Variants in TECRL observed in about 807,000 individuals in gnomAD.
TECRL encodes trans-2,3-enoyl-CoA reductase like.
In TECRL, 63 loss-of-function variants were observed where a neutral mutation model predicts 52.8. The ratio of observed to expected loss-of-function variants is 1.19; its 90% confidence interval spans 0.97 to 1.47. TECRL has a LOEUF of 1.47. Among genes scored for constraint, TECRL ranks in the 40% most tolerant of loss-of-function variants. TECRL has a pLI of 0.00. For synonymous variants in TECRL, 164 were observed against 141.9 expected (o/e 1.16, Z -1.10); for missense variants, 482 against 429.6 (o/e 1.12, Z -1.08).
chr4:64,346,732 G>A (rs1720016425), intron 2 of TECRL, among the ~76,000 whole-genome samples: 1 of 152,192 alleles, frequency 6.6e-6, no homozygotes, highest in South Asian at 2.1e-4. Flanking sequence ...AGGTGCCCTG[G>A]AGAATTGTCC....
Position 64,382,213 on chromosome 4 carries a change from AT to A in TECRL, c.235-6991del, listed in dbSNP as rs1560545359. ...TCTGTATATATATATATATATATATATATATATATATATATATATATAGTAT... is the reference window on the plus strand; with the variant it reads ...TCTGTATATATATATATATATATATAATATATATATATATATATATAGTAT... On this transcript the variant is annotated intron_variant, in intron 1 of 11. Transcript: ENST00000381210. 8.1e-3 allele frequency among the ~76,000 whole-genome samples: 131 copies of A among 16,074 alleles called. 3 individuals are homozygous for A. Among genetic ancestry groups the A allele is most frequent in the Admixed American group, 0.01 (8 of 772 alleles). 10.5% of individuals were successfully genotyped at this position (16,074 alleles called of 152,430 possible).
At chr4:64,303,906 A>AAAT (rs1724164879) in intron 7 of TECRL, among the ~76,000 whole-genome samples, 1 of 151,858 alleles carries the variant, frequency 6.6e-6, no homozygotes, top group African/African-American at 2.4e-5. Context: ...ACAGAATTTG[A>AAAT]GTCCTAATTG....
At chr4:64,333,070 C>A (rs949694863) in intron 2 of TECRL, among the ~76,000 whole-genome samples, 1 of 151,498 alleles carries the variant, frequency 6.6e-6, no homozygotes, top group African/African-American at 2.4e-5. Flanking sequence ...TAATTAAAGA[C>A]ATATGATGAC....
Position 64,301,013 on chromosome 4 carries a change from T to G in TECRL, c.731-996A>C, listed in dbSNP as rs938104535. On this transcript the variant is annotated intron_variant, in intron 7 of 11. Transcript: ENST00000381210. ...TGAGCTAGAAATTTAAAAGCATATT[T>G]TAGTTAAAGGTTACATAAATATTTT... is the stretch of plus-strand genomic sequence containing the variant. Among the ~76,000 whole-genome samples the G allele has an allele frequency of 1.6e-4, 24 of 151,068 alleles. No homozygotes were observed. In the East Asian group the frequency reaches 4.6e-3, roughly 29 times the overall value.
chr4:64,286,937 C>T (rs185305440), intron 9 of TECRL, among the ~76,000 whole-genome samples: 11 of 152,220 alleles, frequency 7.2e-5, no homozygotes, highest in African/African-American at 2.6e-4. Flanking sequence ...GCAATGCTAG[C>T]ATTTTATTAG....
intron 1 of TECRL, among the ~76,000 whole-genome samples, chr4:64,385,868 A>G (rs1723147063): frequency 6.6e-6 from 1 of 152,046 alleles, no homozygotes; most frequent in Admixed American, 6.6e-5. Flanking sequence ...GAAAATGTGT[A>G]CCATTGGGAA....
At chr4:64,318,870 T>C (rs2110021648) in intron 4 of TECRL, among the ~76,000 whole-genome samples, 1 of 152,068 alleles carries the variant, frequency 6.6e-6, no homozygotes, top group Admixed American at 6.5e-5. Context: ...AAGAAATAAC[T>C]AAATCGCAGC....
At chr4:64,351,797 T>A (rs1437372669) in intron 2 of TECRL, among the ~76,000 whole-genome samples, 1 of 152,190 alleles carries the variant, frequency 6.6e-6, no homozygotes, top group Non-Finnish European at 1.5e-5. Context: ...AATTGCATAG[T>A]AAATGGTATA....
intron 2 of TECRL, among the ~76,000 whole-genome samples, chr4:64,342,043 G>A (rs1719615019): frequency 6.6e-6 from 1 of 152,130 alleles, no homozygotes; most frequent in African/African-American, 2.4e-5. Context: ...TGGGCAGAAT[G>A]AGCCCAGCAG....
At chr4:64,403,662 A>C (rs1578003418) in intron 1 of TECRL, among the ~76,000 whole-genome samples, 3 of 152,072 alleles carry the variant, frequency 2.0e-5, no homozygotes. Context: ...CTAAGGAAAA[A>C]GAAATCACAC....
chr4:64,323,664 T>G (rs1197543661), intron 3 of TECRL, among the ~76,000 whole-genome samples: 1 of 152,206 alleles, frequency 6.6e-6, no homozygotes, highest in Non-Finnish European at 1.5e-5. Context: ...GAGATTAAGG[T>G]GGTACTGGTG....
intron 4 of TECRL, among the ~76,000 whole-genome samples, chr4:64,319,677 C>T (rs990583839): frequency 3.3e-5 from 5 of 151,746 alleles, no homozygotes; most frequent in African/African-American, 1.2e-4. Context: ...TTGTTAATAG[C>T]AAAATACTAA....
intron 1 of TECRL, among the ~76,000 whole-genome samples, chr4:64,381,266 T>G (rs1044072687): frequency 6.6e-6 from 1 of 152,102 alleles, no homozygotes; most frequent in Non-Finnish European, 1.5e-5. Flanking sequence ...CTGAATTTAT[T>G]TATCAGTTCT....
chr4:64,295,675 A>C (rs1325466766), intron 8 of TECRL, among the ~76,000 whole-genome samples: 1 of 151,858 alleles, frequency 6.6e-6, no homozygotes, highest in African/African-American at 2.4e-5. Context: ...TTCTTTTTAC[A>C]TTAGATTCGA....
rs558919239 is a variant in TECRL at position 64,327,365 on chromosome 4, T to C, written c.331+1147A>G. On this transcript the variant is annotated intron_variant, in intron 3 of 11. Coordinates refer to ENST00000381210, the MANE Select transcript of TECRL (RefSeq NM_001010874.5). ...CTGAACTAACAGAAATTTATCAGTC[T>C]CTTAATAGTGTCCTTCAAATGGAAG... 2.0e-5 allele frequency among the ~76,000 whole-genome samples: 3 copies of C among 152,248 alleles called. No homozygotes were observed. In the South Asian group the frequency reaches 6.2e-4, roughly 32 times the overall value.
intron 3 of TECRL, among the ~76,000 whole-genome samples, chr4:64,325,085 G>T (rs1046305600): frequency 6.6e-6 from 1 of 152,162 alleles, no homozygotes; most frequent in Non-Finnish European, 1.5e-5. Context: ...GATTCACTGT[G>T]CTATTGCTGG....
At chr4:64,383,097 A>G (rs1301390397) in intron 1 of TECRL, among the ~76,000 whole-genome samples, 3 of 151,922 alleles carry the variant, frequency 2.0e-5, no homozygotes, top group African/African-American at 7.3e-5. Flanking sequence ...ACATTATCCT[A>G]TTCTCTCCTG....
intron 1 of TECRL, among the ~76,000 whole-genome samples, chr4:64,389,771 A>T (rs1723422563): frequency 6.6e-6 from 1 of 151,858 alleles, no homozygotes; most frequent in Non-Finnish European, 1.5e-5. Context: ...TTCAATTTTT[A>T]AACAAATATA....
intron 1 of TECRL, among the ~76,000 whole-genome samples, chr4:64,394,283 T>G (rs900645929): frequency 1.3e-5 from 2 of 152,162 alleles, no homozygotes; most frequent in Non-Finnish European, 2.9e-5. Context: ...CTATGCTCCT[T>G]ATGGTATAGA....
Sources: gnomAD v4.1 joint callset for allele counts (sites outside exome capture counted in the v4.1 genomes callset) on GRCh38, gnomAD v4.1.1 for gene constraint, MANE v1.5 for transcripts, NCBI Gene and HGNC (gene_info 2026-07-23, HGNC 2026-07-21) for gene names.